Variants in GATC observed in about 807,000 individuals in gnomAD.
The protein encoded by GATC is glutamyl-tRNA amidotransferase subunit C.
GATC carries 11 observed loss-of-function variants against 14.4 expected under a neutral mutation model. The ratio of observed to expected loss-of-function variants is 0.77; its 90% CI spans 0.48 to 1.27. The LOEUF (loss-of-function observed/expected upper bound fraction) is 1.27, where lower values mean the gene tolerates loss of function less well. Ranked by LOEUF, GATC falls within the 50% of genes most tolerant of loss-of-function variation. GATC has a pLI of 0.00. For synonymous variants in GATC, 76 were observed against 79.3 expected, an observed-to-expected ratio of 0.96 and a Z score of 0.22; for missense variants, 204 against 183.0, an observed-to-expected ratio of 1.11 and a Z score of -0.66.
chr12:120,462,239 CAAT>C lies in GATC; in HGVS notation c.*2285_*2287del, dbSNP rs1878366259. The C allele has an allele frequency of 2.0e-6, 3 of 1,473,110 alleles. No individual in the cohort carries two copies. The highest frequency in any genetic ancestry group is 2.5e-5 in the East Asian group (1 of 40,626). The allele number at this position is 1,473,110 out of a possible 1,614,324, so 91.3% of individuals were successfully genotyped here. ...GAAGAATAAGCAAACCAACATCTAACAATAATAGTTAAGTATTGAGCACTTACT... is the reference window on the plus strand; with the variant it reads ...GAAGAATAAGCAAACCAACATCTAACAATAGTTAAGTATTGAGCACTTACT... On this transcript the variant is annotated 3_prime_UTR_variant, in exon 4 of 4. Coordinates refer to ENST00000551765, the MANE Select transcript of GATC (RefSeq NM_176818.3).
At chr12:120,450,244 G>A (rs1445933693) in intron 2 of GATC, among the ~76,000 whole-genome samples, 1 of 152,176 alleles carries the variant, frequency 6.6e-6, no homozygotes, top group African/African-American at 2.4e-5. Context: ...CGTATTCAGT[G>A]ATCTGTACTG....
chr12:120,450,636 T>C (rs1592983521), intron 2 of GATC: 1 of 157,880 alleles, frequency 6.3e-6, no homozygotes, highest in East Asian at 1.7e-4. Flanking sequence ...TATCTGGAGT[T>C]TTCTATCTCC....
chr12:120,452,154 G>A (rs1226264927), intron 2 of GATC, among the ~76,000 whole-genome samples: 4 of 152,046 alleles, frequency 2.6e-5, no homozygotes, highest in South Asian at 4.1e-4. Flanking sequence ...TGGGATTGCA[G>A]GCATGAGCCA....
At chr12:120,456,641 CA>C (rs1361261178) in intron 2 of GATC, among the ~76,000 whole-genome samples, 1 of 152,210 alleles carries the variant, frequency 6.6e-6, no homozygotes, top group Non-Finnish European at 1.5e-5. Context: ...CTTCATCCCC[CA>C]ATCCAGCTAT....
Position 120,454,525 on chromosome 12 carries a change from G to A in GATC, c.255-2551G>A, listed in dbSNP as rs117325539. 2.6e-4 allele frequency among the ~76,000 whole-genome samples: 40 copies of A among 151,280 alleles called. 1 individual carries two copies. In the East Asian group the frequency reaches 7.0e-3, roughly 27 times the overall value. On this transcript the variant is annotated intron_variant, in intron 2 of 3. Coordinates refer to ENST00000551765, the MANE Select transcript of GATC (RefSeq NM_176818.3). ...AAGCTCCACCTCCAGGGTTCACGCCGTTCCCCTCCTCAGCCTCTCGCTACA... is the reference window on the plus strand; with the variant it reads ...AAGCTCCACCTCCAGGGTTCACGCCATTCCCCTCCTCAGCCTCTCGCTACA...
chr12:120,457,199 G>GT lies in GATC; in HGVS notation c.358+23dup. On this transcript the variant is annotated intron_variant, in intron 3 of 3. Coordinates refer to ENST00000551765, the MANE Select transcript of GATC (RefSeq NM_176818.3). ...CCCCAGGTACGTGCTGCCCAGAATG[G>GT]TTTAACAGATAGTCTCACAGTAACC... 6.5e-7 allele frequency: 1 copy of GT among 1,535,032 alleles called. No individual in the cohort carries two copies.
chr12:120,452,793 C>G (rs1394047379), intron 2 of GATC, among the ~76,000 whole-genome samples: 1 of 152,080 alleles, frequency 6.6e-6, no homozygotes, highest in East Asian at 1.9e-4. Flanking sequence ...CTCCTGAACT[C>G]AAGTGATCCT....
intron 2 of GATC, among the ~76,000 whole-genome samples, chr12:120,452,531 A>G (rs1166451636): frequency 6.6e-6 from 1 of 152,140 alleles, no homozygotes; most frequent in Non-Finnish European, 1.5e-5. Context: ...CTGGGACTAC[A>G]GGTGTGTACC....
chr12:120,457,602 CTTTTTTTTTTTTT>C lies in GATC; in HGVS notation c.358+432_358+444del, dbSNP rs3999474. ...AAACCAGTCCTTTCCTAAAAGAATC[CTTTTTTTTTTTTT>C]TTTTTTTTGAGACGGAGTTTCGCTC... On this transcript the variant is annotated intron_variant, in intron 3 of 3. Coordinates refer to ENST00000551765, the MANE Select transcript of GATC (RefSeq NM_176818.3). 1.2e-4 allele frequency among the ~76,000 whole-genome samples: 12 copies of C among 103,586 alleles called. 1 individual carries two copies. The South Asian group carries it at 1.9e-3, about 17-fold the overall frequency. The allele number at this position is 103,586 out of a possible 152,430, so 68.0% of individuals were successfully genotyped here.
rs376520463 is a variant in GATC at position 120,461,983 on chromosome 12, A to G, written c.*2024A>G. 14 of 1,578,206 alleles carry G rather than the reference A, an allele frequency of 8.9e-6. No homozygotes were observed. The African/African-American group carries it at 1.9e-4, about 21-fold the overall frequency. On this transcript the variant is annotated 3_prime_UTR_variant, in exon 4 of 4. Transcript: ENST00000551765. ...TTCTGAGCACAAAGCAGCTCAGTTA[A>G]CCTAAAAAATAAAGAAAAAATTCCC... is the stretch of plus-strand genomic sequence containing the variant.
intron 2 of GATC, 64 bp from the exon 3 acceptor site, chr12:120,457,012 T>C: frequency 9.7e-7 from 1 of 1,029,828 alleles, no homozygotes; most frequent in Non-Finnish European, 1.5e-6. Context: ...TTCTTGCCCC[T>C]CTCCATCATC....
chr12:120,451,138 C>CGTCAG (rs1565913138), intron 2 of GATC, among the ~76,000 whole-genome samples: 1 of 53,686 alleles, frequency 1.9e-5, no homozygotes. Flanking sequence ...AGCAAGACTC[C>CGTCAG]ATCTCAAAAA....
chr12:120,459,885 C>A (rs1459120327), intron 3 of GATC, 22 bp from the exon 4 acceptor site: 6 of 1,596,860 alleles, frequency 3.8e-6, no homozygotes, highest in Middle Eastern at 1.7e-4. Context: ...AACAAAAATT[C>A]TCTTTTGTTA....
chr12:120,450,375 CTTTTATT>C (rs1878005960), intron 2 of GATC: 1 of 152,036 alleles, frequency 6.6e-6, no homozygotes, highest in Admixed American at 6.6e-5. Flanking sequence ...AGTATTAAAC[CTTTTATT>C]TTTTATTTTT....
chr12:120,449,968 G>A (rs1278896647), intron 2 of GATC, among the ~76,000 whole-genome samples: 1 of 151,804 alleles, frequency 6.6e-6, no homozygotes, highest in Non-Finnish European at 1.5e-5. Context: ...CTCCATGTTG[G>A]TCAGGCTGGT....
chr12:120,454,877 G>A, intron 2 of GATC: 2 of 237,028 alleles, frequency 8.4e-6, no homozygotes, highest in East Asian at 1.0e-4. Flanking sequence ...AAAAAATCTA[G>A]TACAACTCTC....
chr12:120,459,223 A>G (rs1257570274), intron 3 of GATC, among the ~76,000 whole-genome samples: 1 of 152,124 alleles, frequency 6.6e-6, no homozygotes, highest in Non-Finnish European at 1.5e-5. Context: ...GAGAGAAAGG[A>G]GACTCTCCAT....
At chr12:120,456,649 C>G (rs1742052315) in intron 2 of GATC, among the ~76,000 whole-genome samples, 1 of 152,208 alleles carries the variant, frequency 6.6e-6, no homozygotes, top group Admixed American at 6.5e-5. Flanking sequence ...CCCAATCCAG[C>G]TATTTCTTGC....
rs1592984307 is a variant in GATC, at chr12:120,451,875, C to CTTTTTTTTTTTTCTTTTTTTTTTTTTT, written c.254+5058_254+5059insCTTTTTTTTTTTTTTTTTTTTTTTTTT. Among the ~76,000 whole-genome samples, 17 of 90,840 alleles carry CTTTTTTTTTTTTCTTTTTTTTTTTTTT rather than the reference C, an allele frequency of 1.9e-4. 1 individual carries two copies. The highest frequency in any genetic ancestry group is 1.2e-3 in the East Asian group (3 of 2,572). 59.6% of individuals were successfully genotyped at this position (90,840 alleles called of 152,430 possible). On this transcript the variant is annotated intron_variant, in intron 2 of 3. Coordinates refer to ENST00000551765, the MANE Select transcript of GATC (RefSeq NM_176818.3). The stretch of plus-strand genomic sequence containing the variant: ...CAGGGGCTAATAAATTATATAAATT[C>CTTTTTTTTTTTTCTTTTTTTTTTTTTT]TTTTTTTTTTTTTTTTTTTTGAGCT...
Sources: allele counts gnomAD v4.1 joint callset (sites outside exome capture counted in the v4.1 genomes callset), GRCh38; gene constraint gnomAD v4.1.1; transcripts MANE v1.5; gene names NCBI Gene and HGNC (gene_info 2026-07-23, HGNC 2026-07-21).